Variants in FKTN observed in about 807,000 individuals in gnomAD.
FKTN encodes the protein ribitol-5-phosphate transferase FKTN.
Under a neutral mutation model 58.6 loss-of-function variants are expected in FKTN, and 47 were observed. The observed-to-expected ratio is 0.80, with a 90% CI of 0.63 to 1.02. The LOEUF (loss-of-function observed/expected upper bound fraction) is 1.02. Among genes scored for constraint, FKTN ranks in the 50% least tolerant of loss-of-function variants. FKTN has a pLI of 0.00. For missense variants in FKTN, 516 were observed against 537.3 expected (o/e 0.96, Z 0.39); for synonymous variants, 178 against 191.9 (o/e 0.93, Z 0.60).
At chr9:105,594,627 T>C (rs1826412452) in intron 3 of FKTN, among the ~76,000 whole-genome samples, 1 of 152,156 alleles carries the variant, frequency 6.6e-6, no homozygotes, top group Non-Finnish European at 1.5e-5. Context: ...GCCTCTATAG[T>C]TTCAGCTGCT....
intron 4 of FKTN, chr9:105,598,125 CAA>C (rs1827149727): frequency 2.1e-6 from 1 of 467,392 alleles, no homozygotes; most frequent in South Asian, 1.6e-5. Flanking sequence ...GGATTTTTTT[CAA>C]AGTCTTTACT....
chr9:105,597,764 C>T (rs1009373619), intron 4 of FKTN, among the ~76,000 whole-genome samples: 3 of 152,084 alleles, frequency 2.0e-5, no homozygotes, highest in African/African-American at 7.2e-5. Context: ...ATCTTTCATA[C>T]ATTTTAACAT....
At chr9:105,569,260 C>A (rs995436730) in intron 1 of FKTN, among the ~76,000 whole-genome samples, 11 of 152,032 alleles carry the variant, frequency 7.2e-5, no homozygotes, top group African/African-American at 2.4e-4. Flanking sequence ...GCATGTTGTG[C>A]ACATGTACCC....
Position 105,636,818 on chromosome 9 carries a change from C to T in FKTN, c.*1554C>T, listed in dbSNP as rs552318898. 375 of 1,215,378 alleles carry T rather than the reference C, an allele frequency of 3.1e-4. 2 individuals are homozygous for T. Among genetic ancestry groups the T allele is most frequent in the African/African-American group, 2.4e-3 (152 of 63,622 alleles). 75.3% of individuals were successfully genotyped at this position (1,215,378 alleles called of 1,614,324 possible). ...GAGGGAATGGGCTGGTAGACTTTTT[C>T]GAAAACAAATTAGAGAAAGTAACTT... On this transcript the variant is annotated 3_prime_UTR_variant, in exon 11 of 11. Coordinates refer to ENST00000357998, the MANE Select transcript of FKTN (RefSeq NM_001079802.2).
chr9:105,582,629 A>G (rs905763225), intron 3 of FKTN, among the ~76,000 whole-genome samples: 1 of 152,194 alleles, frequency 6.6e-6, no homozygotes, highest in Non-Finnish European at 1.5e-5. Context: ...AAAATAACAG[A>G]CTATACTGAT....
chr9:105,635,273 G>A lies in FKTN; in HGVS notation c.*9G>A, dbSNP rs750388320. The A allele has an allele frequency of 5.6e-6, 9 of 1,613,898 alleles. No homozygotes were observed. In the South Asian group the frequency reaches 9.9e-5, roughly 18 times the overall value. ...TTATCCAGTTATATTGAGATAGTAG[G>A]TTGAAATGGGAGAATTTCTCTTTTG... On this transcript the variant is annotated 3_prime_UTR_variant, in exon 11 of 11. Transcript: ENST00000357998.
rs1445783307 is a variant in FKTN at position 105,577,853 on chromosome 9, G to C, written c.105+2716G>C. On this transcript the variant is annotated intron_variant, in intron 3 of 10. Coordinates refer to ENST00000357998, the MANE Select transcript of FKTN (RefSeq NM_001079802.2). ...ATCCTCTTTTATTTCCTTGAGCAGT[G>C]GTTTGTAGTTCTCCTTGAAGAGGTC... 2.7e-5 allele frequency among the ~76,000 whole-genome samples: 4 copies of C among 149,590 alleles called. No individual in the cohort carries two copies. In the East Asian group the frequency reaches 7.9e-4, roughly 29 times the overall value.
At chr9:105,587,897 C>T (rs958419608) in intron 3 of FKTN, among the ~76,000 whole-genome samples, 1 of 152,036 alleles carries the variant, frequency 6.6e-6, no homozygotes, top group Non-Finnish European at 1.5e-5. Flanking sequence ...AATGTTTCTA[C>T]TGGAAAGAGA....
chr9:105,591,218 A>G (rs1159174019), intron 3 of FKTN, among the ~76,000 whole-genome samples: 1 of 152,180 alleles, frequency 6.6e-6, no homozygotes, highest in African/African-American at 2.4e-5. Context: ...TCACATTGCA[A>G]AATACAATCA....
intron 7 of FKTN, among the ~76,000 whole-genome samples, chr9:105,610,094 T>C (rs1829630706): frequency 6.6e-6 from 1 of 151,158 alleles, no homozygotes; most frequent in African/African-American, 2.5e-5. Context: ...TTCATAATGC[T>C]TTCTGTGTCC....
intron 1 of FKTN, among the ~76,000 whole-genome samples, chr9:105,566,543 A>G (rs1021846017): frequency 6.6e-6 from 1 of 152,242 alleles, no homozygotes; most frequent in East Asian, 1.9e-4. Flanking sequence ...TAGAAAATCT[A>G]GAAGAAATGG....
In FKTN at chr9:105,635,218, G is replaced by T. The variant is rs1188346211; in HGVS notation, c.1340G>T (p.Gly447Val). 6.2e-7 allele frequency: 1 copy of T among 1,614,062 alleles called. No individual in the cohort carries two copies. The highest frequency in any genetic ancestry group is 1.3e-5 in the African/African-American group (1 of 74,910). ...KRSPPNVQPNGIWPISEWDEV... is the reference protein window; with the variant it reads ...KRSPPNVQPNVIWPISEWDEV... Reference sequence around the variant, plus strand: ...TCTCCTCCCAATGTGCAACCCAATGGAATCTGGCCTATTTCTGAGTGGGAT... The same window carrying T: ...TCTCCTCCCAATGTGCAACCCAATGTAATCTGGCCTATTTCTGAGTGGGAT... Residue 447 changes from glycine to valine, a missense_variant, in exon 11 of 11, where the codon GGA (glycine) becomes GTA (valine). Physicochemically the swap from Gly to Val is moderately radical, Grantham distance 109. Transcript: ENST00000357998.
intron 7 of FKTN, among the ~76,000 whole-genome samples, chr9:105,609,824 C>T (rs1311427190): frequency 6.6e-6 from 1 of 152,108 alleles, no homozygotes; most frequent in African/African-American, 2.4e-5. Flanking sequence ...ACATTGTTCA[C>T]CTGATTAAAG....
intron 7 of FKTN, among the ~76,000 whole-genome samples, chr9:105,614,960 T>G (rs771772768): frequency 1.3e-5 from 2 of 152,050 alleles, no homozygotes; most frequent in Admixed American, 6.6e-5. Context: ...CTTTGCTTAC[T>G]GCAACCTCCA....
At chr9:105,633,746 C>T (rs1451153459) in intron 10 of FKTN, among the ~76,000 whole-genome samples, 2 of 152,156 alleles carry the variant, frequency 1.3e-5, no homozygotes, top group East Asian at 1.9e-4. Context: ...CTCTCCTTTT[C>T]ATGTATGGCT....
At chr9:105,619,719 CATT>C (rs1224711231) in intron 9 of FKTN, among the ~76,000 whole-genome samples, 1 of 151,998 alleles carries the variant, frequency 6.6e-6, no homozygotes, top group Non-Finnish European at 1.5e-5. Flanking sequence ...TTGTAAGAAA[CATT>C]ATTTTAGATG....
chr9:105,596,780 G>A, intron 4 of FKTN, 123 bp downstream of exon 4: 1 of 764,198 alleles, frequency 1.3e-6, no homozygotes, highest in Non-Finnish European at 2.3e-6. Context: ...GTGGCCGGTT[G>A]GTAGTGGCAG....
chr9:105,583,765 G>A (rs1843432150), intron 3 of FKTN, among the ~76,000 whole-genome samples: 1 of 152,088 alleles, frequency 6.6e-6, no homozygotes, highest in Admixed American at 6.5e-5. Context: ...TATGTTATAA[G>A]TAGCCCAAGA....
intron 10 of FKTN, among the ~76,000 whole-genome samples, chr9:105,628,913 T>C (rs184991248): frequency 6.6e-6 from 1 of 152,290 alleles, no homozygotes; most frequent in Non-Finnish European, 1.5e-5. Context: ...CAGGGTGGGT[T>C]GATTGCTTGA....
Sources: allele counts gnomAD v4.1 joint callset (sites outside exome capture counted in the v4.1 genomes callset), GRCh38; gene constraint gnomAD v4.1.1; transcripts MANE v1.5; gene names NCBI Gene and HGNC (gene_info 2026-07-23, HGNC 2026-07-21).